Variants in KIRREL3 observed in about 807,000 individuals in gnomAD.
The protein encoded by KIRREL3 is kin of IRRE-like protein 3.
In KIRREL3, 36 loss-of-function variants were observed where a neutral mutation model predicts 89.7. That is an observed-to-expected ratio of 0.40 (90% confidence interval 0.31 to 0.53). The LOEUF is 0.53. Among genes scored for constraint, KIRREL3 ranks in the 20% least tolerant of loss-of-function variants. The pLI, the probability that KIRREL3 is intolerant of heterozygous loss-of-function variation, is 0.49. For synonymous variants in KIRREL3, 445 were observed against 441.4 expected, an observed-to-expected ratio of 1.01 and a Z score of -0.10; for missense variants, 864 against 1,056.6, an observed-to-expected ratio of 0.82 and a Z score of 2.53.
intron 1 of KIRREL3, among the ~76,000 whole-genome samples, chr11:126,688,912 G>A (rs1946768358): frequency 6.6e-6 from 1 of 152,028 alleles, no homozygotes; most frequent in Non-Finnish European, 1.5e-5. Context: ...AAGATGATGA[G>A]GGAGGAGGAA....
chr11:126,837,224 T>A lies in KIRREL3; in HGVS notation c.55+163231A>T, dbSNP rs1173890508. 6.6e-6 allele frequency among the ~76,000 whole-genome samples: 1 copy of A among 152,168 alleles called. No individual in the cohort carries two copies. Among genetic ancestry groups the A allele is most frequent in the Non-Finnish European group, 1.5e-5 (1 of 68,036 alleles). On this transcript the variant is annotated intron_variant, in intron 1 of 16. Coordinates refer to ENST00000525144, the MANE Select transcript of KIRREL3 (RefSeq NM_032531.4). The surrounding 1 kb of genome is among the most constrained non-coding windows in gnomAD (Gnocchi z 4.7). ...CAGTTTATTCAACTGTGAAATAGGT[T>A]TAATAAAACCAGCCTTAGAACCCTG...
chr11:126,688,833 C>T (rs138469356), intron 1 of KIRREL3, among the ~76,000 whole-genome samples: 4 of 152,234 alleles, frequency 2.6e-5, no homozygotes, highest in Non-Finnish European at 4.4e-5. Flanking sequence ...GACATGATAG[C>T]TGTCACAAGA....
chr11:126,451,803 C>G (rs999621720), intron 7 of KIRREL3, among the ~76,000 whole-genome samples: 6 of 94,206 alleles, frequency 6.4e-5, no homozygotes, highest in African/African-American at 2.7e-4. Flanking sequence ...TAATCCTACT[C>G]TGATCCCAAC....
intron 10 of KIRREL3, among the ~76,000 whole-genome samples, chr11:126,444,008 C>T (rs78725112): frequency 0.021 from 3,170 of 152,302 alleles, 47 homozygotes; most frequent in Non-Finnish European, 0.033. Context: ...AGGGCAGGGA[C>T]GTCCGCATTT....
chr11:126,699,099 G>A (rs1444376962), intron 1 of KIRREL3, among the ~76,000 whole-genome samples: 1 of 152,188 alleles, frequency 6.6e-6, no homozygotes, highest in African/African-American at 2.4e-5. Flanking sequence ...GTCAAAAAGG[G>A]GAATGAAGGC....
At chr11:126,911,671 G>A (rs1946821386) in intron 1 of KIRREL3, among the ~76,000 whole-genome samples, 1 of 152,182 alleles carries the variant, frequency 6.6e-6, no homozygotes, top group Non-Finnish European at 1.5e-5. Context: ...CTGGGCCCCA[G>A]CAGATGGTGG....
chr11:126,450,684 G>A (rs1347706453), intron 7 of KIRREL3, among the ~76,000 whole-genome samples: 1 of 127,110 alleles, frequency 7.9e-6, no homozygotes, highest in Non-Finnish European at 1.6e-5. Context: ...CATGTGCATG[G>A]TGCGTGTGTG....
chr11:126,546,235 A>C (rs1278408278), intron 2 of KIRREL3, among the ~76,000 whole-genome samples: 1 of 152,206 alleles, frequency 6.6e-6, no homozygotes, highest in African/African-American at 2.4e-5. Context: ...CTGAGCTTGG[A>C]TTTAGACCTC....
In KIRREL3 at chr11:126,976,099, A is replaced by G. The variant is rs1379749455; in HGVS notation, c.55+24356T>C. On this transcript the variant is annotated intron_variant, in intron 1 of 16. Coordinates refer to ENST00000525144, the MANE Select transcript of KIRREL3 (RefSeq NM_032531.4). This position sits in a 1 kb window ranked among gnomAD's most constrained non-coding sequence, Gnocchi z 4.2. ...GTGTTAGCATCTTCCAGATGAACAC[A>G]TCGCTTTCTACAGAGGATGCTGAGA... 2.0e-5 allele frequency among the ~76,000 whole-genome samples: 3 copies of G among 152,020 alleles called. No homozygotes were observed. Among genetic ancestry groups the G allele is most frequent in the East Asian group, 1.9e-4 (1 of 5,178 alleles).
In KIRREL3 at chr11:126,682,454, G is replaced by A. The variant is rs945540756; in HGVS notation, c.56-119542C>T. Reference sequence around the variant, plus strand: ...CTGAGTAGGTGTGCAATCAATATTTGTTTTTTCCTGCCACTCCTTTACCAG... The same window carrying A: ...CTGAGTAGGTGTGCAATCAATATTTATTTTTTCCTGCCACTCCTTTACCAG... On this transcript the variant is annotated intron_variant, in intron 1 of 16. Transcript: ENST00000525144. This position sits in a 1 kb window ranked among gnomAD's most constrained non-coding sequence, Gnocchi z 4.8. 6.6e-6 allele frequency among the ~76,000 whole-genome samples: 1 copy of A among 152,084 alleles called. No homozygotes were observed. The highest frequency in any genetic ancestry group is 2.4e-5 in the African/African-American group (1 of 41,402).
Position 126,424,688 on chromosome 11 carries a change from G to C in KIRREL3, c.2229C>G (p.Phe743Leu). Residue 743 changes from phenylalanine (F) to leucine (L), a missense_variant, in exon 17 of 17, where the codon TTC (phenylalanine) becomes TTG (leucine). By Grantham distance (22) the Phe-to-Leu change is conservative. Transcript: ENST00000525144. ...SSGKQDGYVQ[F>L]DKASKASASS... ...AAGCAGAAGCCTTGCTGGCCTTGTC[G>C]AACTGCACATAGCCATCCTGCTTGC... 1 of 1,614,046 alleles carries C rather than the reference G, an allele frequency of 6.2e-7. No homozygotes were observed. Among genetic ancestry groups the C allele is most frequent in the Non-Finnish European group, 8.5e-7 (1 of 1,179,888 alleles).
rs73014576 is a variant in KIRREL3, at chr11:126,697,382, C to T, written c.56-134470G>A. On this transcript the variant is annotated intron_variant, in intron 1 of 16. Coordinates refer to ENST00000525144, the MANE Select transcript of KIRREL3 (RefSeq NM_032531.4). This position sits in a 1 kb window ranked among gnomAD's most constrained non-coding sequence, Gnocchi z 4.2. ...GACAAGCCACTCAACCCCTAGGAAC[C>T]TGTTTTCTTATCTAGAACATGAGGG... Among the ~76,000 whole-genome samples the T allele has an allele frequency of 0.05, 7,649 of 152,264 alleles. 235 individuals carry two copies. The highest frequency in any genetic ancestry group is 0.054 in the African/African-American group (2,229 of 41,560).
Position 126,528,100 on chromosome 11 carries a change from G to A in KIRREL3, c.134-1413C>T, listed in dbSNP as rs1295537035. Among the ~76,000 whole-genome samples the A allele has an allele frequency of 1.3e-5, 2 of 152,230 alleles. No homozygotes were observed. The highest frequency in any genetic ancestry group is 4.8e-5 in the African/African-American group (2 of 41,462). On this transcript the variant is annotated intron_variant, in intron 2 of 16. Transcript: ENST00000525144. The surrounding 1 kb of genome is among the most constrained non-coding windows in gnomAD (Gnocchi z 4.6). ...GGTCACGCAGCTAATGAGTGTTAGA[G>A]CAGGGGTTTGAGCAGGGGCCCATCT...
rs1946226115 is a variant in KIRREL3 at position 126,897,810 on chromosome 11, CT to C, written c.55+102644del. Among the ~76,000 whole-genome samples, 1 of 152,232 alleles carries C rather than the reference CT, an allele frequency of 6.6e-6. No homozygotes were observed. The highest frequency in any genetic ancestry group is 1.9e-4 in the East Asian group (1 of 5,202). ...GACCCTCTGATATAAAATTGATCCTCTGATAAGATGGCACTTGTGGGTTACT... is the reference window on the plus strand; with the variant it reads ...GACCCTCTGATATAAAATTGATCCTCGATAAGATGGCACTTGTGGGTTACT... On this transcript the variant is annotated intron_variant, in intron 1 of 16. Coordinates refer to ENST00000525144, the MANE Select transcript of KIRREL3 (RefSeq NM_032531.4). The surrounding 1 kb of genome is among the most constrained non-coding windows in gnomAD (Gnocchi z 4.2).
intron 4 of KIRREL3, among the ~76,000 whole-genome samples, chr11:126,518,622 G>A (rs531475191): frequency 2.6e-5 from 4 of 152,360 alleles, no homozygotes; most frequent in Middle Eastern, 3.4e-3. Context: ...ACATTTTCCC[G>A]GGCTGAGATG....
At chr11:126,580,836 G>GTTTT (rs58691243) in intron 1 of KIRREL3, among the ~76,000 whole-genome samples, 1 of 140,808 alleles carries the variant, frequency 7.1e-6, no homozygotes, top group Non-Finnish European at 1.5e-5. Context: ...GGAATTTCCT[G>GTTTT]TTTTTTTTTT....
intron 1 of KIRREL3, among the ~76,000 whole-genome samples, chr11:126,753,090 G>A (rs868798390): frequency 1.3e-5 from 2 of 152,206 alleles, no homozygotes; most frequent in African/African-American, 2.4e-5. Context: ...GGGATATGGG[G>A]TGAATGAACT....
rs779927871 is a variant in KIRREL3 at position 126,558,875 on chromosome 11, C to T, written c.133+3960G>A. On this transcript the variant is annotated intron_variant, in intron 2 of 16. Coordinates refer to ENST00000525144, the MANE Select transcript of KIRREL3 (RefSeq NM_032531.4). This position sits in a 1 kb window ranked among gnomAD's most constrained non-coding sequence, Gnocchi z 4.0. Reference sequence around the variant, plus strand: ...GTGTATACATGTGTGCAGGTGTGTGCATGCATGTGTGCATGTATACATATG... The same window carrying T: ...GTGTATACATGTGTGCAGGTGTGTGTATGCATGTGTGCATGTATACATATG... 6.6e-5 allele frequency among the ~76,000 whole-genome samples: 10 copies of T among 150,742 alleles called. No individual in the cohort carries two copies. Among genetic ancestry groups the T allele is most frequent in the Non-Finnish European group, 1.5e-4 (10 of 67,472 alleles).
At chr11:126,626,676 G>A (rs1005610360) in intron 1 of KIRREL3, among the ~76,000 whole-genome samples, 43 of 152,320 alleles carry the variant, frequency 2.8e-4, no homozygotes, top group Middle Eastern at 3.4e-3. Flanking sequence ...CTATCAGCCC[G>A]TTGATAAGTC....
Sources: allele counts gnomAD v4.1 joint callset (sites outside exome capture counted in the v4.1 genomes callset), GRCh38; gene constraint gnomAD v4.1.1; non-coding constraint Gnocchi (gnomAD v3.1); transcripts MANE v1.5; gene names NCBI Gene and HGNC (gene_info 2026-07-23, HGNC 2026-07-21).